The following LRRC7 variants were observed in gnomAD, a reference collection of about 807,000 sequenced individuals.
LRRC7 encodes leucine rich repeat containing 7.
Under a neutral mutation model 175.7 loss-of-function variants are expected in LRRC7, and 23 were observed. The observed-to-expected ratio is 0.13, with a 90% CI of 0.09 to 0.19. The LOEUF (loss-of-function observed/expected upper bound fraction) is 0.19, where lower values mean the gene tolerates loss of function less well. Ranked by LOEUF, LRRC7 falls within the 10% of genes least tolerant of loss-of-function variation. The pLI is 1.00. For missense variants in LRRC7, 1,354 were observed against 1,904.7 expected (o/e 0.71, Z 5.38); for synonymous variants, 685 against 680.9 (o/e 1.01, Z -0.09).
intron 3 of LRRC7, among the ~76,000 whole-genome samples, chr1:69,761,950 T>C (rs2100945421): frequency 6.6e-6 from 1 of 151,748 alleles, no homozygotes; most frequent in African/African-American, 2.4e-5. Context: ...GGGTGGCGGG[T>C]TTCTAGGTCA....
intron 3 of LRRC7, among the ~76,000 whole-genome samples, chr1:69,787,859 C>A (rs1453234569): frequency 6.6e-6 from 1 of 152,120 alleles, no homozygotes; most frequent in Non-Finnish European, 1.5e-5. Context: ...ATTGTGGGAG[C>A]CACAGGATGA....
intron 2 of LRRC7, among the ~76,000 whole-genome samples, chr1:69,715,174 G>C (rs1005606138): frequency 4.6e-5 from 7 of 152,044 alleles, no homozygotes; most frequent in African/African-American, 1.7e-4. Flanking sequence ...ATTGCACTAA[G>C]TAATAATGAT....
chr1:69,993,425 A>G (rs1654627747), intron 10 of LRRC7, among the ~76,000 whole-genome samples: 1 of 152,158 alleles, frequency 6.6e-6, no homozygotes. Flanking sequence ...GACTTACTCT[A>G]TGCCTGTTAG....
chr1:69,999,783 TG>T (rs2101925179), intron 11 of LRRC7, among the ~76,000 whole-genome samples: 1 of 152,302 alleles, frequency 6.6e-6, no homozygotes, highest in Admixed American at 6.5e-5. Context: ...AAATTTGGGA[TG>T]TACATCTTCC....
At chr1:70,080,739 A>AT (rs1292368532) in intron 24 of LRRC7, among the ~76,000 whole-genome samples, 1 of 152,168 alleles carries the variant, frequency 6.6e-6, no homozygotes, top group Non-Finnish European at 1.5e-5. Context: ...TTATCAGGGG[A>AT]TTTTACTTGA....
intron 24 of LRRC7, among the ~76,000 whole-genome samples, chr1:70,086,986 A>G (rs959834181): frequency 6.6e-6 from 1 of 152,166 alleles, no homozygotes; most frequent in African/African-American, 2.4e-5. Context: ...ATGCTTTATG[A>G]GACCCAGTAG....
chr1:69,612,814 G>C (rs904558753), intron 1 of LRRC7, among the ~76,000 whole-genome samples: 3 of 151,856 alleles, frequency 2.0e-5, no homozygotes, highest in Non-Finnish European at 2.9e-5. Context: ...TATTATCTCT[G>C]CTATACAGAT....
chr1:70,047,349 C>G (rs1422137683), intron 22 of LRRC7, among the ~76,000 whole-genome samples: 2 of 152,088 alleles, frequency 1.3e-5, no homozygotes, highest in Non-Finnish European at 2.9e-5. Flanking sequence ...AGAATTTAAG[C>G]ACTGGAAATG....
At chr1:69,753,469 A>T (rs186493501) in intron 2 of LRRC7, among the ~76,000 whole-genome samples, 1 of 152,140 alleles carries the variant, frequency 6.6e-6, no homozygotes, top group East Asian at 1.9e-4. Context: ...AGGTCTACTA[A>T]TTATTTTGTG....
intron 3 of LRRC7, among the ~76,000 whole-genome samples, chr1:69,789,538 G>T (rs72941475): frequency 0.066 from 10,074 of 151,918 alleles, 361 homozygotes; most frequent in South Asian, 0.11. Flanking sequence ...TTGCCAATTT[G>T]TATTCTTCAT....
intron 4 of LRRC7, among the ~76,000 whole-genome samples, chr1:69,810,285 A>G (rs1054021051): frequency 1.3e-5 from 2 of 152,212 alleles, no homozygotes; most frequent in Admixed American, 1.3e-4. Flanking sequence ...ACAAAAACAA[A>G]TGGAAAAACA....
chr1:69,928,895 T>C (rs917862719), intron 7 of LRRC7, among the ~76,000 whole-genome samples: 4 of 152,212 alleles, frequency 2.6e-5, no homozygotes, highest in Non-Finnish European at 4.4e-5. Context: ...ACCCGTCTTC[T>C]GCGTCGCTTA....
intron 2 of LRRC7, 54 bp from the exon 3 acceptor site, chr1:69,760,137 T>TC: frequency 1.3e-6 from 2 of 1,579,292 alleles, no homozygotes; most frequent in South Asian, 2.3e-5. Flanking sequence ...AAGAATGCCT[T>TC]CCAAGGGCAC....
chr1:69,963,719 C>A (rs748315463), intron 8 of LRRC7, among the ~76,000 whole-genome samples: 4 of 152,026 alleles, frequency 2.6e-5, no homozygotes, highest in African/African-American at 4.8e-5. Flanking sequence ...TAGATTCAGA[C>A]GAAGTCACCA....
intron 8 of LRRC7, among the ~76,000 whole-genome samples, chr1:69,972,940 ATATATATAAATAC>A (rs1652403947): frequency 6.8e-6 from 1 of 146,536 alleles, no homozygotes; most frequent in South Asian, 2.1e-4. Context: ...ATATATTTAT[ATATATATAAATAC>A]TATATATATA....
chr1:69,887,351 G>A (rs370375104), intron 7 of LRRC7, among the ~76,000 whole-genome samples: 10,839 of 123,544 alleles, frequency 0.088, 676 homozygotes, highest in African/African-American at 0.21. Flanking sequence ...TTCCCTTCTC[G>A]CTTCATTTCA....
intron 8 of LRRC7, among the ~76,000 whole-genome samples, chr1:69,957,213 T>C (rs1204922955): frequency 6.6e-6 from 1 of 151,858 alleles, no homozygotes; most frequent in Non-Finnish European, 1.5e-5. Flanking sequence ...CAGGATAACT[T>C]TGGAACTGAT....
chr1:69,854,543 T>C (rs1438694842), intron 7 of LRRC7, among the ~76,000 whole-genome samples: 1 of 152,060 alleles, frequency 6.6e-6, no homozygotes, highest in African/African-American at 2.4e-5. Context: ...TTTGAATTTT[T>C]TGGTAATGAT....
At chr1:70,023,046 A>G (rs1344813171) in intron 16 of LRRC7, 80 bp from the exon 17 acceptor site, 2 of 1,383,116 alleles carry the variant, frequency 1.4e-6, no homozygotes, top group Non-Finnish European at 1.9e-6. Context: ...AAAGAAAAAG[A>G]GAGTAGAAAA....
Sources: gnomAD v4.1 joint callset for allele counts (sites outside exome capture counted in the v4.1 genomes callset) on GRCh38, gnomAD v4.1.1 for gene constraint, MANE v1.5 for transcripts, NCBI Gene and HGNC (gene_info 2026-07-23, HGNC 2026-07-21) for gene names.